Variants in ZC2HC1C observed in about 807,000 individuals in gnomAD.
ZC2HC1C encodes zinc finger C2HC domain-containing protein 1C.
Under a neutral mutation model 39.2 loss-of-function variants are expected in ZC2HC1C, and 25 were observed. That is an observed-to-expected ratio of 0.64 (90% CI 0.47 to 0.89). The LOEUF is 0.89. ZC2HC1C is among the 40% of genes least tolerant of loss of function. The pLI, the probability that ZC2HC1C is intolerant of heterozygous loss-of-function variation, is 0.00. For missense variants in ZC2HC1C, 519 were observed against 548.6 expected, an observed-to-expected ratio of 0.95 and a Z score of 0.54; for synonymous variants, 209 against 214.4, an observed-to-expected ratio of 0.97 and a Z score of 0.22.
At chr14:75,076,675 A>G (rs1893685329) in intron 2 of ZC2HC1C, among the ~76,000 whole-genome samples, 1 of 151,982 alleles carries the variant, frequency 6.6e-6, no homozygotes, top group African/African-American at 2.4e-5. Flanking sequence ...TGTTTTATGG[A>G]CACAATCTCT....
Position 75,071,731 on chromosome 14 carries a change from A to G in ZC2HC1C, c.1158A>G (p.Pro386=). 1.2e-6 allele frequency: 2 copies of G among 1,614,216 alleles called. No homozygotes were observed. Among genetic ancestry groups the G allele is most frequent in the African/African-American group, 1.3e-5 (1 of 75,068 alleles). ...GTTCCAGCGGCTCCATTGAAGAGCC[A>G]CAGCTGGGTGAGTGCAGCCACTGTG... ...SSGSSGSIEE[P]QLGECSHCGR... The change falls in exon 2 of 3, where the codon CCA becomes CCG. Residue 386 remains proline, a synonymous_variant. Transcript: ENST00000524913.
At chr14:75,075,627 A>T (rs952642965) in intron 2 of ZC2HC1C, among the ~76,000 whole-genome samples, 3 of 151,992 alleles carry the variant, frequency 2.0e-5, no homozygotes, top group Admixed American at 1.3e-4. Context: ...CTTTTTTTTT[A>T]AAAGGCTACG....
Position 75,077,438 on chromosome 14 carries a change from A to C in ZC2HC1C, c.1339-94A>C, listed in dbSNP as rs1010959190. 3.3e-6 allele frequency: 5 copies of C among 1,513,962 alleles called. No individual in the cohort carries two copies. In the African/African-American group the frequency reaches 6.9e-5, roughly 21 times the overall value. 93.8% of individuals were successfully genotyped at this position (1,513,962 alleles called of 1,614,324 possible). On this transcript the variant is annotated intron_variant, in intron 2 of 2. Coordinates refer to ENST00000524913, the MANE Select transcript of ZC2HC1C (RefSeq NM_024643.4). The stretch of plus-strand genomic sequence containing the variant: ...CCTGTTCTCTTTGACCTTGCAGATT[A>C]GTACCCTTTTCATTTTCTTACTGTT...
chr14:75,070,622 C>T lies in ZC2HC1C; in HGVS notation c.49C>T (p.Leu17Phe). 1.9e-6 allele frequency: 3 copies of T among 1,614,038 alleles called. No homozygotes were observed. The highest frequency in any genetic ancestry group is 2.7e-5 in the African/African-American group (2 of 75,048). The change falls in exon 2 of 3, where the codon CTC becomes TTC. Residue 17 changes from leucine (L) to phenylalanine (F), a missense_variant. Coordinates refer to ENST00000524913, the MANE Select transcript of ZC2HC1C (RefSeq NM_024643.4). ...LASHLPVGVM[L>F]PHNTTEAPGP... ...GTCACATCTGCCTGTGGGCGTTATGCTCCCACATAATACAACGGAAGCTCC... is the reference window on the plus strand; with the variant it reads ...GTCACATCTGCCTGTGGGCGTTATGTTCCCACATAATACAACGGAAGCTCC...
At position 75,071,855 on chromosome 14, in the gene ZC2HC1C, G is replaced by A; in HGVS notation, c.1282G>A (p.Ala428Thr). The A allele has an allele frequency of 6.2e-7, 1 of 1,613,800 alleles. No individual in the cohort carries two copies. The highest frequency in any genetic ancestry group is 8.5e-7 in the Non-Finnish European group (1 of 1,179,814). Residue 428 changes from alanine (A) to threonine (T), a missense_variant, in exon 2 of 3, where the codon GCT becomes ACT. Coordinates refer to ENST00000524913, the MANE Select transcript of ZC2HC1C (RefSeq NM_024643.4). Reference protein sequence around the residue: ...RKVFDSSRARAKGTELEQYLN... With the variant: ...RKVFDSSRARTKGTELEQYLN... Reference sequence around the variant, plus strand: ...AGTGTTTGACTCCTCCAGGGCCCGGGCTAAGGGCACAGAACTAGAGCAGTA... The same window carrying A: ...AGTGTTTGACTCCTCCAGGGCCCGGACTAAGGGCACAGAACTAGAGCAGTA...
At chr14:75,073,497 A>C (rs563723139) in intron 2 of ZC2HC1C, 1 of 1,005,276 alleles carries the variant, frequency 9.9e-7, no homozygotes, top group African/African-American at 1.7e-5. Context: ...GACATTGAGG[A>C]CACCAAGACA....
chr14:75,072,031 T>G, intron 2 of ZC2HC1C, 120 bp downstream of exon 2: 1 of 1,370,812 alleles, frequency 7.3e-7, no homozygotes, highest in Non-Finnish European at 9.7e-7. Context: ...ACGTCTAGAA[T>G]TAACATTTCT....
Position 75,079,628 on chromosome 14 carries a change from C to T in ZC2HC1C, c.*2064C>T, listed in dbSNP as rs1353592054. On this transcript the variant is annotated 3_prime_UTR_variant, in exon 3 of 3. Coordinates refer to ENST00000524913, the MANE Select transcript of ZC2HC1C (RefSeq NM_024643.4). The stretch of plus-strand genomic sequence containing the variant: ...TGTTTTATTTCGCTGGCCTAGCATT[C>T]ATAATATGATCTGACATTTAAAAAC... The T allele has an allele frequency of 6.6e-6, 1 of 152,216 alleles. No homozygotes were observed. Among genetic ancestry groups the T allele is most frequent in the Non-Finnish European group, 1.5e-5 (1 of 68,040 alleles). The allele number at this position is 152,216 out of a possible 1,614,324, so 9.4% of individuals were successfully genotyped here. A position where few individuals can be genotyped will look rare whatever the true frequency, so the allele number is the denominator to read the frequency against.
Position 75,071,698 on chromosome 14 carries a change from C to T in ZC2HC1C, c.1125C>T (p.Asp375=), listed in dbSNP as rs1893428612. The T allele has an allele frequency of 1.2e-6, 2 of 1,614,178 alleles. No individual in the cohort carries two copies. The highest frequency in any genetic ancestry group is 4.5e-5 in the East Asian group (2 of 44,888). Residue 375 remains aspartate, a synonymous_variant, in exon 2 of 3, where the codon GAC becomes GAT. Coordinates refer to ENST00000524913, the MANE Select transcript of ZC2HC1C (RefSeq NM_024643.4). ...ATTCCAGCCTGTCCATGGCACCAGA[C>T]TCCTCAGGTTCCAGCGGCTCCATTG... ...ARNSSLSMAP[D]SSGSSGSIEE...
At chr14:75,075,814 T>C (rs1018170424) in intron 2 of ZC2HC1C, among the ~76,000 whole-genome samples, 1 of 152,222 alleles carries the variant, frequency 6.6e-6, no homozygotes, top group African/African-American at 2.4e-5. Flanking sequence ...CCCAGTACTT[T>C]GGGAGGCTGA....
intron 2 of ZC2HC1C, among the ~76,000 whole-genome samples, chr14:75,076,698 T>A (rs1893686493): frequency 6.6e-6 from 1 of 152,250 alleles, no homozygotes; most frequent in Admixed American, 6.5e-5. Flanking sequence ...TAATACTCAT[T>A]TTGTTGATAT....
At chr14:75,072,040 C>A in intron 2 of ZC2HC1C, 129 bp downstream of exon 2, 1 of 1,294,120 alleles carries the variant, frequency 7.7e-7, no homozygotes, top group Non-Finnish European at 1.0e-6. Context: ...ATTAACATTT[C>A]TTGATTACTA....
rs745980499 is a variant in ZC2HC1C at position 75,071,402 on chromosome 14, A to G, written c.829A>G (p.Lys277Glu). The change falls in exon 2 of 3, where the codon AAA becomes GAA. Residue 277 changes from lysine to glutamate, a missense_variant. Coordinates refer to ENST00000524913, the MANE Select transcript of ZC2HC1C (RefSeq NM_024643.4). ...ILPRSRVKGN[K>E]SNTMYKPIFS... ...CCCCAGGAGCAGAGTTAAAGGTAAT[A>G]AAAGCAACACCATGTACAAACCTAT... The G allele has an allele frequency of 6.2e-7, 1 of 1,614,194 alleles. No individual in the cohort carries two copies. Among genetic ancestry groups the G allele is most frequent in the Non-Finnish European group, 8.5e-7 (1 of 1,180,040 alleles).
chr14:75,071,244 A>G lies in ZC2HC1C; in HGVS notation c.671A>G (p.Glu224Gly). 6.2e-7 allele frequency: 1 copy of G among 1,614,202 alleles called. No homozygotes were observed. Among genetic ancestry groups the G allele is most frequent in the Admixed American group, 1.7e-5 (1 of 60,014 alleles). The change falls in exon 2 of 3, where the codon GAG becomes GGG. Residue 224 changes from glutamate (E) to glycine (G), a missense_variant. Glu to Gly is a moderately conservative substitution (Grantham distance 98). Transcript: ENST00000524913. The part of the protein sequence containing the change: ...RRLEAAGESL[E>G]EEIRRKQILL... ...CTAGAAGCTGCAGGGGAGAGCTTAG[A>G]GGAGGAAATCCGAAGAAAGCAGATT...
In ZC2HC1C at chr14:75,070,695, C is replaced by G; in HGVS notation, c.122C>G (p.Ser41Cys). Residue 41 changes from serine (S) to cysteine (C), a missense_variant, in exon 2 of 3, where the codon TCC becomes TGC. Ser to Cys is a moderately radical substitution (Grantham distance 112). Coordinates refer to ENST00000524913, the MANE Select transcript of ZC2HC1C (RefSeq NM_024643.4). Reference sequence around the variant, plus strand: ...GACTCTTACGAACAAGGTGACTCTTCCCAGCAGTCCTTGAAGGGGCACCTG... The same window carrying G: ...GACTCTTACGAACAAGGTGACTCTTGCCAGCAGTCCTTGAAGGGGCACCTG... ...KQDSYEQGDS[S>C]QQSLKGHLRN... 1 of 1,614,174 alleles carries G rather than the reference C, an allele frequency of 6.2e-7. No homozygotes were observed. Among genetic ancestry groups the G allele is most frequent in the East Asian group, 2.2e-5 (1 of 44,876 alleles).
Position 75,071,714 on chromosome 14 carries a change from G to A in ZC2HC1C, c.1141G>A (p.Gly381Ser), listed in dbSNP as rs760432274. ...SMAPDSSGSS[G>S]SIEEPQLGEC... ...GGCACCAGACTCCTCAGGTTCCAGC[G>A]GCTCCATTGAAGAGCCACAGCTGGG... is the stretch of plus-strand genomic sequence containing the variant. The change falls in exon 2 of 3, where the codon GGC becomes AGC. Residue 381 changes from glycine to serine, a missense_variant. By Grantham distance (56) the Gly-to-Ser change is moderately conservative. Transcript: ENST00000524913. The A allele has an allele frequency of 1.2e-6, 2 of 1,614,166 alleles. No homozygotes were observed. Among genetic ancestry groups the A allele is most frequent in the Non-Finnish European group, 8.5e-7 (1 of 1,180,018 alleles).
chr14:75,077,322 TG>T (rs1280374030), intron 2 of ZC2HC1C, among the ~76,000 whole-genome samples: 1 of 152,164 alleles, frequency 6.6e-6, no homozygotes, highest in Non-Finnish European at 1.5e-5. Flanking sequence ...CAGGTTCTGT[TG>T]GGAAAGTGGC....
At position 75,077,602 on chromosome 14, in the gene ZC2HC1C, G is replaced by T; in HGVS notation, c.*38G>T. The T allele has an allele frequency of 3.1e-6, 5 of 1,613,688 alleles. No individual in the cohort carries two copies. Among genetic ancestry groups the T allele is most frequent in the Non-Finnish European group, 4.2e-6 (5 of 1,179,808 alleles). On this transcript the variant is annotated 3_prime_UTR_variant, in exon 3 of 3. Coordinates refer to ENST00000524913, the MANE Select transcript of ZC2HC1C (RefSeq NM_024643.4). Reference sequence around the variant, plus strand: ...TTTATCCATACGTTCCGCCAGGCTCGAGAGGTCCAGCAGGTAACTGCCAAA... The same window carrying T: ...TTTATCCATACGTTCCGCCAGGCTCTAGAGGTCCAGCAGGTAACTGCCAAA...
chr14:75,071,253 T>G lies in ZC2HC1C; in HGVS notation c.680T>G (p.Ile227Ser). The G allele has an allele frequency of 6.2e-7, 1 of 1,613,766 alleles. No individual in the cohort carries two copies. Among genetic ancestry groups the G allele is most frequent in the Non-Finnish European group, 8.5e-7 (1 of 1,179,950 alleles). The change falls in exon 2 of 3, where the codon ATC becomes AGC. Residue 227 changes from isoleucine (I) to serine (S), a missense_variant. Physicochemically the swap from Ile to Ser is moderately radical, Grantham distance 142. Coordinates refer to ENST00000524913, the MANE Select transcript of ZC2HC1C (RefSeq NM_024643.4). ...GCAGGGGAGAGCTTAGAGGAGGAAA[T>G]CCGAAGAAAGCAGATTCTCCTGAGG... ...EAAGESLEEE[I>S]RRKQILLRGK...
Sources: allele counts gnomAD v4.1 joint callset (sites outside exome capture counted in the v4.1 genomes callset), GRCh38; gene constraint gnomAD v4.1.1; transcripts MANE v1.5; gene names NCBI Gene and HGNC (gene_info 2026-07-23, HGNC 2026-07-21).